Variants in TMEM132C observed in about 807,000 individuals in gnomAD.
TMEM132C encodes the protein protein phosphatase 1, regulatory subunit 152.
Under a neutral mutation model 61.4 loss-of-function variants are expected in TMEM132C, and 29 were observed. The ratio of observed to expected loss-of-function variants is 0.47; its 90% CI spans 0.35 to 0.64. The LOEUF (loss-of-function observed/expected upper bound fraction) is 0.64, where lower values mean the gene tolerates loss of function less well. Among genes scored for constraint, TMEM132C ranks in the 30% least tolerant of loss-of-function variants. TMEM132C has a pLI of 0.00. For synonymous variants in TMEM132C, 656 were observed against 633.1 expected, an observed-to-expected ratio of 1.04 and a Z score of -0.54; for missense variants, 1,408 against 1,476.9, an observed-to-expected ratio of 0.95 and a Z score of 0.76.
intron 1 of TMEM132C, among the ~76,000 whole-genome samples, chr12:128,324,339 G>A (rs1872436304): frequency 6.6e-6 from 1 of 152,190 alleles, no homozygotes. Flanking sequence ...GGCCTAAAAG[G>A]AGAGGTTGAT....
chr12:128,312,204 C>T (rs1294951225), intron 1 of TMEM132C, among the ~76,000 whole-genome samples: 3 of 152,150 alleles, frequency 2.0e-5, no homozygotes, highest in Non-Finnish European at 4.4e-5. Flanking sequence ...CAGAATGTGA[C>T]CTCATTTGGA....
chr12:128,679,821 A>G (rs886844822), intron 5 of TMEM132C, among the ~76,000 whole-genome samples: 10 of 152,192 alleles, frequency 6.6e-5, no homozygotes, highest in African/African-American at 2.4e-4. Flanking sequence ...CATTTCAAAT[A>G]TTGTAGATGC....
chr12:128,332,197 A>T (rs1872681822), intron 1 of TMEM132C, among the ~76,000 whole-genome samples: 1 of 152,146 alleles, frequency 6.6e-6, no homozygotes, highest in Non-Finnish European at 1.5e-5. Context: ...TTTCGGGGAG[A>T]TGATTTAAAA....
At chr12:128,682,742 A>C (rs1375376431) in intron 5 of TMEM132C, among the ~76,000 whole-genome samples, 1 of 152,196 alleles carries the variant, frequency 6.6e-6, no homozygotes, top group Admixed American at 6.5e-5. Flanking sequence ...CTGCCATAAC[A>C]CAGTGCCACA....
chr12:128,490,267 T>G (rs1265191530), intron 2 of TMEM132C, among the ~76,000 whole-genome samples: 1 of 152,198 alleles, frequency 6.6e-6, no homozygotes, highest in African/African-American at 2.4e-5. Flanking sequence ...GTGGTTCATC[T>G]AGGCAATGCT....
At chr12:128,327,524 A>T (rs532228975) in intron 1 of TMEM132C, among the ~76,000 whole-genome samples, 1 of 151,672 alleles carries the variant, frequency 6.6e-6, no homozygotes, top group Non-Finnish European at 1.5e-5. Context: ...CTGGGACTAC[A>T]GGTGCCCACC....
intron 2 of TMEM132C, among the ~76,000 whole-genome samples, chr12:128,463,024 C>T (rs956381950): frequency 1.2e-4 from 18 of 152,224 alleles, no homozygotes; most frequent in South Asian, 8.3e-4. Flanking sequence ...TGGCTGCAGA[C>T]GGCTGCTACA....
Position 128,267,363 on chromosome 12 carries a change from T to G in TMEM132C, c.-40T>G, listed in dbSNP as rs1870340395. The stretch of plus-strand genomic sequence containing the variant: ...GGGGGCCGCGGGCGGGCGCTGCGCT[T>G]CGGGCTGGCGGCGGGCTGCGTGAGC... On this transcript the variant is annotated 5_prime_UTR_variant, in exon 1 of 9. Transcript: ENST00000435159. 2.0e-6 allele frequency: 2 copies of G among 1,019,248 alleles called. No homozygotes were observed. Among genetic ancestry groups the G allele is most frequent in the Non-Finnish European group, 2.3e-6 (2 of 853,008 alleles). 63.1% of individuals were successfully genotyped at this position (1,019,248 alleles called of 1,614,324 possible).
intron 3 of TMEM132C, among the ~76,000 whole-genome samples, chr12:128,594,729 C>CAGCCCTCAGTCCAGGGATCCCACCT (rs1875885733): frequency 6.6e-6 from 1 of 152,200 alleles, no homozygotes. Context: ...CAATTCCCCA[C>CAGCCCTCAGTCCAGGGATCCCACCT]AGCCCTCAGT....
chr12:128,496,558 C>T (rs976996565), intron 2 of TMEM132C, among the ~76,000 whole-genome samples: 4 of 152,146 alleles, frequency 2.6e-5, no homozygotes, highest in Non-Finnish European at 5.9e-5. Flanking sequence ...CTATAAACTT[C>T]TCTTCTCACT....
At chr12:128,513,061 T>A (rs1446932966) in intron 2 of TMEM132C, among the ~76,000 whole-genome samples, 1 of 151,826 alleles carries the variant, frequency 6.6e-6, no homozygotes, top group Admixed American at 6.6e-5. Flanking sequence ...AGAGGTGCTG[T>A]GAGGAGAAGC....
At chr12:128,445,855 T>C (rs1207869969) in intron 2 of TMEM132C, among the ~76,000 whole-genome samples, 1 of 152,104 alleles carries the variant, frequency 6.6e-6, no homozygotes, top group East Asian at 1.9e-4. Flanking sequence ...TGCTCTATCT[T>C]CAGACAGGCA....
Position 128,598,936 on chromosome 12 carries a change from G to A in TMEM132C, c.1122-17216G>A, listed in dbSNP as rs528307951. ...TCAATCCATTTCCTGCCCTTCCTTC[G>A]TTGAGTGATCCCTGCAAACTACATT... On this transcript the variant is annotated intron_variant, in intron 3 of 8. Coordinates refer to ENST00000435159, the MANE Select transcript of TMEM132C (RefSeq NM_001136103.3). Among the ~76,000 whole-genome samples the A allele has an allele frequency of 2.0e-4, 31 of 152,186 alleles. 2 individuals carry two copies. The South Asian group carries it at 2.9e-3, about 14-fold the overall frequency.
chr12:128,412,669 A>G (rs1400095618), intron 1 of TMEM132C, among the ~76,000 whole-genome samples: 4 of 152,048 alleles, frequency 2.6e-5, no homozygotes, highest in African/African-American at 9.7e-5. Context: ...GCCTTCCACC[A>G]TGATTGTGAG....
At chr12:128,277,384 C>A (rs911441888) in intron 1 of TMEM132C, among the ~76,000 whole-genome samples, 1 of 152,190 alleles carries the variant, frequency 6.6e-6, no homozygotes, top group South Asian at 2.1e-4. Flanking sequence ...ATCAACAGCA[C>A]CTCCAGGCTT....
In TMEM132C at chr12:128,366,359, G is replaced by A. The variant is rs937119409; in HGVS notation, c.86-48373G>A. ...CCCAGCGTGGACAACTGCACAGTGC[G>A]AACTTGCTGACTTTCCTTAGCTGCT... On this transcript the variant is annotated intron_variant, in intron 1 of 8. Transcript: ENST00000435159. Among the ~76,000 whole-genome samples, 7 of 152,332 alleles carry A rather than the reference G, an allele frequency of 4.6e-5. No homozygotes were observed. In the South Asian group the frequency reaches 8.3e-4, roughly 18 times the overall value.
chr12:128,320,573 C>A (rs943134066), intron 1 of TMEM132C, among the ~76,000 whole-genome samples: 1 of 151,934 alleles, frequency 6.6e-6, no homozygotes. Context: ...TGAGAACAGC[C>A]TGGGAAATAT....
intron 1 of TMEM132C, among the ~76,000 whole-genome samples, chr12:128,281,134 T>C (rs1290579050): frequency 1.3e-5 from 2 of 152,216 alleles, no homozygotes; most frequent in Admixed American, 1.3e-4. Flanking sequence ...AGCATGAAGA[T>C]GTGTTTTCCT....
At chr12:128,393,767 C>G (rs1304755075) in intron 1 of TMEM132C, among the ~76,000 whole-genome samples, 1 of 152,152 alleles carries the variant, frequency 6.6e-6, no homozygotes, top group Non-Finnish European at 1.5e-5. Flanking sequence ...GCTGCTCCAT[C>G]TCCAGCATCA....
Sources: gnomAD v4.1 joint callset for allele counts (sites outside exome capture counted in the v4.1 genomes callset) on GRCh38, gnomAD v4.1.1 for gene constraint, MANE v1.5 for transcripts, NCBI Gene and HGNC (gene_info 2026-07-23, HGNC 2026-07-21) for gene names.